LOC400499: variants seen among roughly 807,000 people sequenced by gnomAD.
chr16:11,508,761 G>C, the LOC400499 span: 1 of 399,140 alleles, frequency 2.5e-6, no homozygotes, highest in Non-Finnish European at 4.4e-6. Flanking sequence ...TTACTAATGT[G>C]GCTGCGGTGG....
the LOC400499 span, among the ~76,000 whole-genome samples, chr16:11,477,401 C>T: frequency 1.3e-5 from 2 of 152,200 alleles, no homozygotes; most frequent in Admixed American, 6.5e-5. Context: ...TCTGCTCTGG[C>T]GCCATGTGGC....
the LOC400499 span, chr16:11,515,933 A>G: frequency 5.6e-6 from 2 of 356,956 alleles, no homozygotes; most frequent in Non-Finnish European, 9.4e-6. Context: ...ACTTACAGCC[A>G]CTCCAGGCAG....
the LOC400499 span, among the ~76,000 whole-genome samples, chr16:11,515,514 C>T: frequency 6.8e-6 from 1 of 146,334 alleles, no homozygotes; most frequent in Non-Finnish European, 1.5e-5. Flanking sequence ...TACATACATA[C>T]ATACATACGT....
the LOC400499 span, chr16:11,470,816 G>C: frequency 0.031 from 4,693 of 152,596 alleles, 151 homozygotes; most frequent in East Asian, 0.14. Context: ...GCCCAGGAAG[G>C]CTGCCTCTGA....
the LOC400499 span, among the ~76,000 whole-genome samples, chr16:11,499,634 G>A: frequency 2.0e-5 from 3 of 152,116 alleles, no homozygotes; most frequent in Non-Finnish European, 4.4e-5. Context: ...TGGAGGGACA[G>A]CCAGGGCTGG....
the LOC400499 span, chr16:11,390,407 C>T: frequency 8.0e-7 from 1 of 1,250,122 alleles, no homozygotes; most frequent in Non-Finnish European, 1.0e-6. Context: ...CGCCACACCT[C>T]CTCCAGGGGC....
At chr16:11,389,595 G>C in the LOC400499 span, among the ~76,000 whole-genome samples, 1 of 131,114 alleles carries the variant, frequency 7.6e-6, no homozygotes. Flanking sequence ...TGAGGCAGGA[G>C]AATGACTTGA....
the LOC400499 span, among the ~76,000 whole-genome samples, chr16:11,481,964 C>T: frequency 6.6e-6 from 1 of 152,126 alleles, no homozygotes; most frequent in African/African-American, 2.4e-5. Context: ...GTTATTTTTA[C>T]ATATGAGAAT....
chr16:11,482,861 C>T, the LOC400499 span, among the ~76,000 whole-genome samples: 12 of 149,782 alleles, frequency 8.0e-5, no homozygotes, highest in African/African-American at 2.7e-4. Flanking sequence ...CACTGCACTC[C>T]AGCCTGCATG....
At chr16:11,523,667 A>G in the LOC400499 span, 4 of 384,256 alleles carry the variant, frequency 1.0e-5, no homozygotes, top group Non-Finnish European at 1.4e-5. Context: ...CCTTTGTCCA[A>G]TTTGCTCTTG....
the LOC400499 span, among the ~76,000 whole-genome samples, chr16:11,482,494 G>T: frequency 6.6e-6 from 1 of 152,308 alleles, no homozygotes; most frequent in East Asian, 1.9e-4. Context: ...TTGACTTCAT[G>T]AAAATTAAGA....
chr16:11,410,700 C>G, the LOC400499 span, among the ~76,000 whole-genome samples: 1 of 59,346 alleles, frequency 1.7e-5, no homozygotes, highest in African/African-American at 7.7e-5. Context: ...CTCACCTATT[C>G]ATGCCCTATT....
the LOC400499 span, among the ~76,000 whole-genome samples, chr16:11,468,371 T>G: frequency 6.6e-6 from 1 of 152,228 alleles, no homozygotes; most frequent in African/African-American, 2.4e-5. Context: ...TCACCCAGGC[T>G]GGAGTGCAGT....
the LOC400499 span, chr16:11,396,361 G>A: frequency 1.4e-6 from 1 of 734,536 alleles, no homozygotes; most frequent in African/African-American, 1.8e-5. Context: ...TGAAGCTCTG[G>A]CCCCATCCAG....
the LOC400499 span, among the ~76,000 whole-genome samples, chr16:11,522,676 TTAAC>T: frequency 3.9e-5 from 6 of 152,286 alleles, no homozygotes; most frequent in East Asian, 3.9e-4. Flanking sequence ...CTCAGAGAGG[TTAAC>T]TAACTTACAC....
the LOC400499 span, among the ~76,000 whole-genome samples, chr16:11,526,911 C>T: frequency 6.6e-6 from 1 of 152,128 alleles, no homozygotes. Flanking sequence ...CCAGAGGATG[C>T]TGGTGGAGCA....
the LOC400499 span, among the ~76,000 whole-genome samples, chr16:11,405,906 C>A: frequency 2.0e-5 from 3 of 152,186 alleles, no homozygotes; most frequent in Non-Finnish European, 4.4e-5. Context: ...CCTACCATTC[C>A]CCACCCACCC....
the LOC400499 span, chr16:11,424,204 G>C: frequency 5.0e-6 from 2 of 399,390 alleles, no homozygotes; most frequent in East Asian, 7.1e-5. Context: ...TGGAGCTGGA[G>C]GCCCGAGGAC....
chr16:11,487,555 T>C, the LOC400499 span, among the ~76,000 whole-genome samples: 1 of 151,628 alleles, frequency 6.6e-6, no homozygotes, highest in Non-Finnish European at 1.5e-5. Context: ...ACAGAGGGAG[T>C]CCAGGACACA....
Sources: allele counts gnomAD v4.1 joint callset (sites outside exome capture counted in the v4.1 genomes callset), GRCh38; gene constraint gnomAD v4.1.1; transcripts MANE v1.5.